The following MARK3 variants were observed in gnomAD, a reference collection of about 807,000 sequenced individuals.
MARK3 encodes the protein MAP/microtubule affinity-regulating kinase 3.
A neutral mutation model predicts 90.1 loss-of-function variants in MARK3; 46 were observed. That is an observed-to-expected ratio of 0.51 (90% CI 0.40 to 0.65). MARK3 has a LOEUF of 0.65. Ranked by LOEUF, MARK3 falls within the 30% of genes least tolerant of loss-of-function variation. MARK3 has a pLI of 0.00. For synonymous variants in MARK3, 321 were observed against 332.6 expected (o/e 0.97, Z 0.38); for missense variants, 818 against 947.2 (o/e 0.86, Z 1.79).
intron 2 of MARK3, among the ~76,000 whole-genome samples, chr14:103,420,492 A>G (rs970750452): frequency 6.6e-6 from 1 of 152,164 alleles, no homozygotes; most frequent in Non-Finnish European, 1.5e-5. Context: ...GGGCCTCCCA[A>G]AGTGCTGGGA....
At chr14:103,496,453 C>T (rs536167194) in intron 15 of MARK3, among the ~76,000 whole-genome samples, 46 of 151,614 alleles carry the variant, frequency 3.0e-4, no homozygotes, top group Admixed American at 1.1e-3. Flanking sequence ...CGCTCTGTCA[C>T]CCAGGCTGGA....
intron 4 of MARK3, 95 bp from the exon 5 acceptor site, chr14:103,451,823 A>G: frequency 1.3e-6 from 1 of 774,214 alleles, no homozygotes; most frequent in Non-Finnish European, 2.0e-6. Context: ...TTTAACAGGG[A>G]AAAGGTTGCT....
chr14:103,495,581 G>A (rs1326654203), intron 15 of MARK3, among the ~76,000 whole-genome samples: 1 of 152,108 alleles, frequency 6.6e-6, no homozygotes, highest in Admixed American at 6.5e-5. Context: ...TTGCAGGCGT[G>A]ACAGTTGCAT....
At position 103,465,812 on chromosome 14, in the gene MARK3, A is replaced by G; in HGVS notation, c.777+19A>G. The G allele has an allele frequency of 1.3e-6, 2 of 1,593,902 alleles. No individual in the cohort carries two copies. Among genetic ancestry groups the G allele is most frequent in the South Asian group, 2.2e-5 (2 of 88,972 alleles). ...CCTAAAGGTATAAGAAGCTGCACCCATGTACTTCACTAAACTAAAAGAAGT... is the reference window on the plus strand; with the variant it reads ...CCTAAAGGTATAAGAAGCTGCACCCGTGTACTTCACTAAACTAAAAGAAGT... On this transcript the variant is annotated intron_variant, in intron 8 of 17. Coordinates refer to ENST00000429436, the MANE Select transcript of MARK3 (RefSeq NM_001128918.3).
intron 5 of MARK3, among the ~76,000 whole-genome samples, 160 bp from the exon 6 acceptor site, chr14:103,456,982 C>A (rs2093291548): frequency 6.6e-6 from 1 of 152,066 alleles, no homozygotes; most frequent in South Asian, 2.1e-4. Context: ...ATTTAAATGC[C>A]TGTAGTTAAA....
intron 1 of MARK3, among the ~76,000 whole-genome samples, chr14:103,391,691 C>T (rs1200240887): frequency 1.3e-5 from 2 of 150,212 alleles, no homozygotes; most frequent in African/African-American, 4.9e-5. Flanking sequence ...TTACAGGCTC[C>T]CGCCACCATG....
chr14:103,446,710 C>CTTTTTTTTTTTTTTTTTTTTTTTTTT (rs746523547), intron 3 of MARK3, among the ~76,000 whole-genome samples: 1 of 98,052 alleles, frequency 1.0e-5, no homozygotes, highest in African/African-American at 5.3e-5. Context: ...AGATTGTTGT[C>CTTTTTTTTTTTTTTTTTTTTTTTTTT]TTTTTTTTTT....
rs1273345727 is a variant in MARK3, at chr14:103,457,159, T to C, written c.430T>C (p.Leu144=). The C allele has an allele frequency of 1.9e-6, 3 of 1,608,854 alleles. No homozygotes were observed. Among genetic ancestry groups the C allele is most frequent in the Non-Finnish European group, 2.6e-6 (3 of 1,175,626 alleles). Residue 144 remains leucine (L), a synonymous_variant, in exon 6 of 18, where the codon TTG becomes CTG. Coordinates refer to ENST00000429436, the MANE Select transcript of MARK3 (RefSeq NM_001128918.3). ...ACCTATAGGTGAAGTATTTGACTAT[T>C]TGGTTGCACATGGCAGGATGAAGGA... ...YASGGEVFDY[L]VAHGRMKEKE...
At chr14:103,468,555 G>A (rs576530165) in intron 12 of MARK3, among the ~76,000 whole-genome samples, 1 of 151,764 alleles carries the variant, frequency 6.6e-6, no homozygotes, top group East Asian at 1.9e-4. Context: ...TCAGCTCCTG[G>A]CCTTAAGTGA....
intron 1 of MARK3, among the ~76,000 whole-genome samples, chr14:103,396,802 C>T (rs931380228): frequency 5.9e-5 from 9 of 152,018 alleles, no homozygotes; most frequent in Non-Finnish European, 1.3e-4. Context: ...TTTCCTTCAT[C>T]TCACCCAAAT....
chr14:103,478,004 A>AAAAAG (rs1406662983), intron 13 of MARK3, among the ~76,000 whole-genome samples: 1 of 150,346 alleles, frequency 6.7e-6, no homozygotes, highest in African/African-American at 2.4e-5. Flanking sequence ...GTCCTTAAAA[A>AAAAAG]AAAAAAAAGT....
chr14:103,461,468 A>G (rs12185021), intron 6 of MARK3, among the ~76,000 whole-genome samples: 43,430 of 152,142 alleles, frequency 0.29, 7,298 homozygotes, highest in Non-Finnish European at 0.36. Context: ...ATTTACTGAA[A>G]GTGGGAGGAA....
At chr14:103,482,873 G>A (rs1280648482) in intron 14 of MARK3, among the ~76,000 whole-genome samples, 1 of 152,046 alleles carries the variant, frequency 6.6e-6, no homozygotes, top group Non-Finnish European at 1.5e-5. Context: ...GACCTGTCTC[G>A]TTGCTTCTCT....
chr14:103,427,036 C>T (rs1479784322), intron 2 of MARK3, among the ~76,000 whole-genome samples: 3 of 151,852 alleles, frequency 2.0e-5, no homozygotes, highest in Non-Finnish European at 4.4e-5. Flanking sequence ...TTTAGAAGTG[C>T]TTTCTGTGTA....
At chr14:103,496,271 TG>T (rs1359047959) in intron 15 of MARK3, among the ~76,000 whole-genome samples, 1 of 152,128 alleles carries the variant, frequency 6.6e-6, no homozygotes, top group Non-Finnish European at 1.5e-5. Flanking sequence ...CCAGTAACCC[TG>T]ATTTTTCCGG....
intron 3 of MARK3, among the ~76,000 whole-genome samples, chr14:103,448,546 G>C (rs2141293949): frequency 6.6e-6 from 1 of 152,278 alleles, no homozygotes; most frequent in Non-Finnish European, 1.5e-5. Context: ...TACAGGTTTT[G>C]ATTCGCAGAG....
At chr14:103,460,148 C>T (rs1234763317) in intron 6 of MARK3, among the ~76,000 whole-genome samples, 2 of 121,232 alleles carry the variant, frequency 1.6e-5, no homozygotes, top group Admixed American at 1.1e-4. Flanking sequence ...TGCAGTGGCG[C>T]GATCTCGGCT....
chr14:103,473,073 C>CG lies in MARK3; in HGVS notation c.1265-1920_1265-1919insG, dbSNP rs557555427. 2.4e-3 allele frequency among the ~76,000 whole-genome samples: 371 copies of CG among 151,920 alleles called. 3 individuals are homozygous for CG. Among genetic ancestry groups the CG allele is most frequent in the African/African-American group, 8.1e-3 (336 of 41,430 alleles). On this transcript the variant is annotated intron_variant, in intron 12 of 17. Coordinates refer to ENST00000429436, the MANE Select transcript of MARK3 (RefSeq NM_001128918.3). ...GATGGATCTCAAGGGAATTATACTGCATGAAAGTACACAAAAGGTTACATT... is the reference window on the plus strand; with the variant it reads ...GATGGATCTCAAGGGAATTATACTGCGATGAAAGTACACAAAAGGTTACATT...
At chr14:103,446,250 G>C (rs906460942) in intron 3 of MARK3, among the ~76,000 whole-genome samples, 1 of 152,158 alleles carries the variant, frequency 6.6e-6, no homozygotes. Context: ...TCTGTGGCCA[G>C]GCGCGGTGGC....
Sources: allele counts gnomAD v4.1 joint callset (sites outside exome capture counted in the v4.1 genomes callset), GRCh38; gene constraint gnomAD v4.1.1; transcripts MANE v1.5; gene names NCBI Gene and HGNC (gene_info 2026-07-23, HGNC 2026-07-21).